CLPSL1: variants seen among roughly 807,000 people sequenced by gnomAD.
CLPSL1 encodes colipase like 1.
Under a neutral mutation model 9.3 loss-of-function variants are expected in CLPSL1, and 13 were observed. The observed-to-expected ratio is 1.40, with a 90% confidence interval of 0.91 to 2.22. The LOEUF (loss-of-function observed/expected upper bound fraction) is 2.22. CLPSL1 is among the 30% of genes most tolerant of loss of function. The pLI, the probability that CLPSL1 is intolerant of heterozygous loss-of-function variation, is 0.00. For synonymous variants in CLPSL1, 58 were observed against 56.9 expected (o/e 1.02, Z -0.08); for missense variants, 164 against 146.6 (o/e 1.12, Z -0.61).
downstream of CLPSL1, among the ~76,000 whole-genome samples, chr6:35,790,820 T>G (rs926855962): frequency 4.3e-4 from 66 of 151,986 alleles, no homozygotes; most frequent in African/African-American, 1.5e-3. Context: ...GACAAAGGAG[T>G]TCAGAAAAGA....
Position 35,787,866 on chromosome 6 carries a change from G to C in CLPSL1, c.223-1G>C. 1 of 1,609,884 alleles carries C rather than the reference G, an allele frequency of 6.2e-7. No individual in the cohort carries two copies. The highest frequency in any genetic ancestry group is 1.3e-5 in the African/African-American group (1 of 74,972). ...CGAGGTCAAAGTCCTGTCTTTCCCA[G>C]GTGTTCTTTGGCCAATATAGAGCGT... On this transcript the variant is annotated splice_acceptor_variant, in intron 2 of 2. Coordinates refer to ENST00000373861, the MANE Select transcript of CLPSL1 (RefSeq NM_001010886.5). LOFTEE classifies it high-confidence loss of function.
chr6:35,784,133 A>G lies in CLPSL1; in HGVS notation c.100-2865A>G, dbSNP rs146217009. ...TAATATGTCAGTCAGTACCTGTAAG[A>G]TTTACATTCGTTTGATCTGGAAGGG... is the stretch of plus-strand genomic sequence containing the variant. On this transcript the variant is annotated intron_variant, in intron 1 of 2. Transcript: ENST00000373861. 2.9e-3 allele frequency among the ~76,000 whole-genome samples: 443 copies of G among 152,124 alleles called. 4 individuals carry two copies. The highest frequency in any genetic ancestry group is 9.6e-3 in the African/African-American group (398 of 41,498).
downstream of CLPSL1, among the ~76,000 whole-genome samples, chr6:35,792,908 A>C (rs1481034668): frequency 1.3e-5 from 2 of 152,272 alleles, no homozygotes. Context: ...CACATAATTC[A>C]TATGTGGCAG....
At chr6:35,787,226 C>T (rs1768100861) in intron 2 of CLPSL1, 106 bp downstream of exon 2, 6 of 1,324,548 alleles carry the variant, frequency 4.5e-6, no homozygotes, top group Non-Finnish European at 5.2e-6. Context: ...GCGGAAATGC[C>T]CTGGAGCCTG....
At chr6:35,783,231 C>A (rs1581950915) in intron 1 of CLPSL1, among the ~76,000 whole-genome samples, 1 of 152,140 alleles carries the variant, frequency 6.6e-6, no homozygotes, top group South Asian at 2.1e-4. Flanking sequence ...AAAATTTGGG[C>A]CAGGCGCAGT....
Position 35,781,203 on chromosome 6 carries a change from C to A in CLPSL1, c.93C>A (p.Asn31Lys). The A allele has an allele frequency of 6.2e-7, 1 of 1,613,700 alleles. No homozygotes were observed. Among genetic ancestry groups the A allele is most frequent in the Non-Finnish European group, 8.5e-7 (1 of 1,179,674 alleles). Residue 31 changes from asparagine to lysine, a missense_variant, in exon 1 of 3, where the codon AAC becomes AAA. Coordinates refer to ENST00000373861, the MANE Select transcript of CLPSL1 (RefSeq NM_001010886.5). ...TRGSLSPTKY[N>K]LLELKESCIR... ...GCTCACTTTCTCCAACAAAATACAA[C>A]CTTTTGGTAAGAAAGCTGGAGAGTG...
rs1445247390 is a variant in CLPSL1 at position 35,787,867 on chromosome 6, G to A, written c.223G>A (p.Val75Met). 1 of 1,609,964 alleles carries A rather than the reference G, an allele frequency of 6.2e-7. No individual in the cohort carries two copies. Among genetic ancestry groups the A allele is most frequent in the East Asian group, 2.2e-5 (1 of 44,798 alleles). The change falls in exon 3 of 3, where the codon GTG (valine) becomes ATG (methionine). Residue 75 changes from valine (V) to methionine (M), a missense_variant and splice_region_variant. Physicochemically the swap from Val to Met is conservative, Grantham distance 21 (BLOSUM62 1). Coordinates refer to ENST00000373861, the MANE Select transcript of CLPSL1 (RefSeq NM_001010886.5). ...GSEGSLCQTQ[V>M]FFGQYRACPC... ...GAGGTCAAAGTCCTGTCTTTCCCAG[G>A]TGTTCTTTGGCCAATATAGAGCGTG...
At chr6:35,786,958 C>A in intron 1 of CLPSL1, 40 bp from the exon 2 acceptor site, 1 of 1,550,302 alleles carries the variant, frequency 6.5e-7, no homozygotes, top group Non-Finnish European at 8.7e-7. Flanking sequence ...GGGCGGAAGG[C>A]GGGCGGTGGA....
At chr6:35,791,392 C>G (rs907686458), downstream of CLPSL1, among the ~76,000 whole-genome samples, 1 of 152,220 alleles carries the variant, frequency 6.6e-6, no homozygotes, top group Non-Finnish European at 1.5e-5. Context: ...AGGCGGATCA[C>G]AAGGTCAGGA....
chr6:35,791,094 C>T (rs1768176655), downstream of CLPSL1, among the ~76,000 whole-genome samples: 1 of 152,094 alleles, frequency 6.6e-6, no homozygotes, highest in Admixed American at 6.6e-5. Flanking sequence ...TTTTCAAATG[C>T]CTTCTGCTCA....
chr6:35,787,137 G>A lies in CLPSL1; in HGVS notation c.222+17G>A. 1.9e-6 allele frequency: 3 copies of A among 1,608,674 alleles called. No individual in the cohort carries two copies. Among genetic ancestry groups the A allele is most frequent in the Middle Eastern group, 1.7e-4 (1 of 6,050 alleles). On this transcript the variant is annotated intron_variant, in intron 2 of 2. Coordinates refer to ENST00000373861, the MANE Select transcript of CLPSL1 (RefSeq NM_001010886.5). ...CAAACGCAGGTGGGTATCGCCGCCC[G>A]GGGGGAGCCAGAGGGGATCCAGGGG...
At chr6:35,782,161 G>T (rs986272428) in intron 1 of CLPSL1, among the ~76,000 whole-genome samples, 11 of 152,326 alleles carry the variant, frequency 7.2e-5, no homozygotes, top group Admixed American at 2.0e-4. Context: ...AAGCAGGGGG[G>T]TCTCTGGGAG....
At chr6:35,786,892 G>GGGAGCAGAGTCTGGGGA (rs1768084701) in intron 1 of CLPSL1, 106 bp from the exon 2 acceptor site, 2 of 1,383,328 alleles carry the variant, frequency 1.4e-6, no homozygotes, top group East Asian at 2.5e-5. Flanking sequence ...AGGTGATGGT[G>GGGAGCAGAGTCTGGGGA]GGAGCAGAGT....
downstream of CLPSL1, among the ~76,000 whole-genome samples, chr6:35,792,242 C>T (rs190438653): frequency 5.0e-3 from 763 of 152,034 alleles, no homozygotes; most frequent in African/African-American, 0.017. Context: ...CCACTGCATT[C>T]CAGCCTGGGT....
rs968324457 is a variant in CLPSL1, at chr6:35,781,021, AT to A, written c.-89del. ...TGACGGGGTTGGGTGCTGGTTTTACATGGTGTTCCCACAGCTGGGAGGACAC... is the reference window on the plus strand; with the variant it reads ...TGACGGGGTTGGGTGCTGGTTTTACAGGTGTTCCCACAGCTGGGAGGACAC... On this transcript the variant is annotated 5_prime_UTR_variant, in exon 1 of 3. The change abolishes an upstream ATG in the 5' untranslated region. Coordinates refer to ENST00000373861, the MANE Select transcript of CLPSL1 (RefSeq NM_001010886.5). 1 of 1,558,992 alleles carries A rather than the reference AT, an allele frequency of 6.4e-7. No individual in the cohort carries two copies. Among genetic ancestry groups the A allele is most frequent in the Non-Finnish European group, 8.7e-7 (1 of 1,151,918 alleles).
intron 1 of CLPSL1, among the ~76,000 whole-genome samples, chr6:35,784,462 G>A (rs1190543863): frequency 6.6e-6 from 1 of 152,162 alleles, no homozygotes; most frequent in Non-Finnish European, 1.5e-5. Flanking sequence ...AGTCTTTCAG[G>A]TTAAATTTTA....
intron 1 of CLPSL1, 149 bp downstream of exon 1, chr6:35,781,358 AAG>A: frequency 7.8e-7 from 1 of 1,274,016 alleles, no homozygotes; most frequent in Admixed American, 3.0e-5. Context: ...TCTCGGAGGA[AAG>A]AGAGAACAAC....
At chr6:35,781,755 C>CT (rs55754209) in intron 1 of CLPSL1, among the ~76,000 whole-genome samples, 12 of 132,904 alleles carry the variant, frequency 9.0e-5, no homozygotes, top group Non-Finnish European at 1.3e-4. Context: ...TTTTCTTTTT[C>CT]TTTTTTTTGG....
intron 1 of CLPSL1, among the ~76,000 whole-genome samples, chr6:35,783,520 A>AAG (rs1768008036): frequency 6.6e-6 from 1 of 150,858 alleles, no homozygotes; most frequent in African/African-American, 2.4e-5. Context: ...AAAAAAAAAA[A>AAG]GGGGGGCTGG....
Sources: allele counts gnomAD v4.1 joint callset (sites outside exome capture counted in the v4.1 genomes callset), GRCh38; gene constraint gnomAD v4.1.1; transcripts MANE v1.5; gene names NCBI Gene and HGNC (gene_info 2026-07-23, HGNC 2026-07-21).